The following PFKP variants were observed in gnomAD, a reference collection of about 807,000 sequenced individuals.
PFKP encodes ATP-dependent 6-phosphofructokinase, platelet type.
A neutral mutation model predicts 94.3 loss-of-function variants in PFKP; 101 were observed. That is an observed-to-expected ratio of 1.07 (90% CI 0.91 to 1.26). The LOEUF is 1.26. Ranked by LOEUF, PFKP falls within the 50% of genes most tolerant of loss-of-function variation. The pLI is 0.00. For missense variants in PFKP, 1,145 were observed against 1,103.3 expected, an observed-to-expected ratio of 1.04 and a Z score of -0.53; for synonymous variants, 573 against 432.6, an observed-to-expected ratio of 1.32 and a Z score of -4.03.
chr10:3,122,418 G>A (rs529056277), intron 16 of PFKP, among the ~76,000 whole-genome samples: 3 of 152,336 alleles, frequency 2.0e-5, no homozygotes, highest in East Asian at 1.9e-4. Flanking sequence ...GAGAGGGACC[G>A]ATATGTGAAC....
At position 3,127,370 on chromosome 10, in the gene PFKP, A is replaced by C. The variant is rs560258349; in HGVS notation, c.1684-2449A>C. ...CCTGGGCACAAATCAGCCTCTTGGGAGAGCTGCTTTGCCCGCAGAATTCTT... is the reference window on the plus strand; with the variant it reads ...CCTGGGCACAAATCAGCCTCTTGGGCGAGCTGCTTTGCCCGCAGAATTCTT... On this transcript the variant is annotated intron_variant, in intron 16 of 21. Coordinates refer to ENST00000381125, the MANE Select transcript of PFKP (RefSeq NM_002627.5). Among the ~76,000 whole-genome samples, 10 of 152,320 alleles carry C rather than the reference A, an allele frequency of 6.6e-5. 1 individual carries two copies. In the South Asian group the frequency reaches 1.9e-3, roughly 28 times the overall value.
intron 3 of PFKP, 114 bp downstream of exon 3, chr10:3,099,466 G>A: frequency 1.2e-6 from 1 of 804,334 alleles, no homozygotes; most frequent in African/African-American, 1.7e-5. Context: ...TATGTGGACA[G>A]AACAGACTTT....
At position 3,099,252 on chromosome 10, in the gene PFKP, A is replaced by C. The variant is rs373276680; in HGVS notation, c.187-23A>C. The C allele has an allele frequency of 4.4e-6, 7 of 1,586,600 alleles. No individual in the cohort carries two copies. In the African/African-American group the frequency reaches 9.4e-5, roughly 21 times the overall value. ...TTAGTGAAGTTTATCTCATTTTTAA[A>C]AGATTCTCCCTTTCTCCCCTAGGGC... On this transcript the variant is annotated intron_variant, in intron 2 of 21. Transcript: ENST00000381125.
At chr10:3,088,949 C>A (rs2131465616) in intron 2 of PFKP, among the ~76,000 whole-genome samples, 1 of 152,006 alleles carries the variant, frequency 6.6e-6, no homozygotes, top group Non-Finnish European at 1.5e-5. Context: ...ATTTCTTTTT[C>A]CATACAGAGT....
intron 17 of PFKP, 151 bp from the exon 18 acceptor site, chr10:3,132,229 A>AG: frequency 1.7e-6 from 1 of 599,820 alleles, no homozygotes; most frequent in Non-Finnish European, 3.1e-6. Context: ...ATCTGGGAGG[A>AG]GGCTCCCCAA....
chr10:3,081,742 T>C (rs1250643415), intron 1 of PFKP, among the ~76,000 whole-genome samples: 2 of 149,066 alleles, frequency 1.3e-5, no homozygotes, highest in East Asian at 4.0e-4. Context: ...TATATGATGA[T>C]ACATTGTAAG....
At chr10:3,100,251 C>G (rs1834868511) in intron 3 of PFKP, among the ~76,000 whole-genome samples, 1 of 151,884 alleles carries the variant, frequency 6.6e-6, no homozygotes, top group Admixed American at 6.6e-5. Flanking sequence ...AGGTTTTTGT[C>G]CAGGCAGAGT....
chr10:3,104,059 G>C (rs894128604), intron 5 of PFKP, 115 bp downstream of exon 5: 15 of 910,188 alleles, frequency 1.6e-5, no homozygotes, highest in Admixed American at 2.8e-5. Flanking sequence ...TGCTGGTCTC[G>C]TAACTTGACT....
chr10:3,121,491 G>A (rs1037738602), intron 16 of PFKP, among the ~76,000 whole-genome samples: 5 of 152,020 alleles, frequency 3.3e-5, no homozygotes, highest in Non-Finnish European at 7.4e-5. Context: ...ATTGGAACTC[G>A]CCCAGAGGGA....
intron 2 of PFKP, among the ~76,000 whole-genome samples, chr10:3,085,964 G>C (rs933510906): frequency 6.6e-6 from 1 of 151,658 alleles, no homozygotes; most frequent in African/African-American, 2.4e-5. Flanking sequence ...TACTGAATTT[G>C]TTCCCTCTGC....
At chr10:3,069,164 G>T (rs1831985593) in intron 1 of PFKP, 3 of 1,079,136 alleles carry the variant, frequency 2.8e-6, no homozygotes, top group Non-Finnish European at 3.5e-6. Context: ...CGGGAGACCC[G>T]GGTGGCAGCG....
At chr10:3,068,365 G>A (rs966132206) in intron 1 of PFKP, among the ~76,000 whole-genome samples, 1 of 152,178 alleles carries the variant, frequency 6.6e-6, no homozygotes, top group African/African-American at 2.4e-5. Flanking sequence ...AGCCCCTCGC[G>A]TTTCCGCTGG....
chr10:3,115,424 AT>A (rs1564327467), intron 13 of PFKP, among the ~76,000 whole-genome samples: 177 of 15,256 alleles, frequency 0.012, 8 homozygotes, highest in Middle Eastern at 0.088. Flanking sequence ...GTGTCCCGCC[AT>A]GGAGGACAGG....
intron 2 of PFKP, among the ~76,000 whole-genome samples, chr10:3,084,777 C>CCTCCCCAGGAGAGTCCTCCATCT (rs1833373183): frequency 3.0e-5 from 3 of 98,570 alleles, no homozygotes; most frequent in Non-Finnish European, 4.6e-5. Context: ...GTCCTCCACC[C>CCTCCCCAGGAGAGTCCTCCATCT]CCTCCCCAGG....
Position 3,132,446 on chromosome 10 carries a change from G to C in PFKP, c.1910+5G>C. 6.2e-7 allele frequency: 1 copy of C among 1,602,180 alleles called. No individual in the cohort carries two copies. The highest frequency in any genetic ancestry group is 8.6e-7 in the Non-Finnish European group (1 of 1,169,360). On this transcript the variant is annotated splice_donor_5th_base_variant and intron_variant, in intron 18 of 21. Coordinates refer to ENST00000381125, the MANE Select transcript of PFKP (RefSeq NM_002627.5). ...CCAGAGAGGCCTTGTGCTCAGGTGA[G>C]AGAGAGAGACCAGGGGCTGATCTTA...
rs765502375 is a variant in PFKP, at chr10:3,113,410, C to T, written c.1263C>T (p.Pro421=). 8 of 1,599,634 alleles carry T rather than the reference C, an allele frequency of 5.0e-6. No individual in the cohort carries two copies. Among genetic ancestry groups the T allele is most frequent in the East Asian group, 2.2e-5 (1 of 44,622 alleles). ...CNVAVINVGA[P]AAGMNAAVRS... Reference sequence around the variant, plus strand: ...TAGCTGTCATCAACGTGGGGGCACCCGCGGCTGGGATGAACGCAGCCGTAC... The same window carrying T: ...TAGCTGTCATCAACGTGGGGGCACCTGCGGCTGGGATGAACGCAGCCGTAC... The change falls in exon 13 of 22, where the codon CCC becomes CCT. Residue 421 remains proline (P), a synonymous_variant. Coordinates refer to ENST00000381125, the MANE Select transcript of PFKP (RefSeq NM_002627.5).
chr10:3,105,490 A>G lies in PFKP; in HGVS notation c.763A>G (p.Lys255Glu). The change falls in exon 7 of 22, where the codon AAA (lysine) becomes GAA (glutamate). Residue 255 changes from lysine (K) to glutamate (E), a missense_variant. This residue lies in a region of PFKP where 1,119 missense variants were observed against 1,062.8 expected (regional missense o/e 1.05). Coordinates refer to ENST00000381125, the MANE Select transcript of PFKP (RefSeq NM_002627.5). ...EEGWEEQMCVKLSENRARKKR... is the reference protein window; with the variant it reads ...EEGWEEQMCVELSENRARKKR... ...AGGCTGGGAGGAGCAGATGTGTGTCAAACTCTCGGAGGTAATGCGGGTCCC... is the reference window on the plus strand; with the variant it reads ...AGGCTGGGAGGAGCAGATGTGTGTCGAACTCTCGGAGGTAATGCGGGTCCC... 6.2e-7 allele frequency: 1 copy of G among 1,611,042 alleles called. No homozygotes were observed. Among genetic ancestry groups the G allele is most frequent in the Non-Finnish European group, 8.5e-7 (1 of 1,177,744 alleles).
At position 3,112,210 on chromosome 10, in the gene PFKP, T is replaced by C. The variant is rs755364853; in HGVS notation, c.1090-12T>C. The C allele has an allele frequency of 6.2e-7, 1 of 1,608,860 alleles. No individual in the cohort carries two copies. Among genetic ancestry groups the C allele is most frequent in the Non-Finnish European group, 8.5e-7 (1 of 1,175,236 alleles). The stretch of plus-strand genomic sequence containing the variant: ...GACACATTCTTTCTTCTTTTCATCA[T>C]TGTTTTAAAAGACTCAGGATGTGCA... On this transcript the variant is annotated splice_polypyrimidine_tract_variant and intron_variant, in intron 10 of 21. Transcript: ENST00000381125.
intron 20 of PFKP, among the ~76,000 whole-genome samples, chr10:3,135,146 CCA>C (rs1839091948): frequency 6.6e-6 from 1 of 152,156 alleles, no homozygotes. Context: ...TGGCTGTTCC[CCA>C]CTCATTCCTG....
Sources: gnomAD v4.1 joint callset for allele counts (sites outside exome capture counted in the v4.1 genomes callset) on GRCh38, gnomAD v4.1.1 for gene constraint, gnomAD v4.1.1 regional missense constraint, MANE v1.5 for transcripts, NCBI Gene and HGNC (gene_info 2026-07-23, HGNC 2026-07-21) for gene names.